The following PHF20 variants were observed in gnomAD, a reference collection of about 807,000 sequenced individuals.
The protein encoded by PHF20 is PHD finger protein 20.
A neutral mutation model predicts 113.5 loss-of-function variants in PHF20; 23 were observed. The observed-to-expected ratio is 0.20, with a 90% CI of 0.15 to 0.29. The LOEUF is 0.29. PHF20 is among the 10% of genes least tolerant of loss of function. PHF20 has a pLI of 1.00. For missense variants in PHF20, 943 were observed against 1,219.6 expected (o/e 0.77, Z 3.38); for synonymous variants, 434 against 457.3 (o/e 0.95, Z 0.65).
intron 2 of PHF20, among the ~76,000 whole-genome samples, chr20:35,823,792 C>T (rs1267020899): frequency 2.0e-5 from 3 of 152,176 alleles, no homozygotes; most frequent in African/African-American, 7.2e-5. Context: ...TACAGTTTTG[C>T]CTTTTCCATA....
chr20:35,871,231 T>C (rs2054415878), intron 8 of PHF20, 97 bp downstream of exon 8: 3 of 1,001,228 alleles, frequency 3.0e-6, no homozygotes, highest in Non-Finnish European at 4.6e-6. Context: ...AAGTATTAAA[T>C]TGTCTTGAAA....
intron 1 of PHF20, among the ~76,000 whole-genome samples, chr20:35,772,752 T>G (rs1038778302): frequency 6.6e-6 from 1 of 152,090 alleles, no homozygotes; most frequent in African/African-American, 2.4e-5. Context: ...GCATTTCCGT[T>G]CCAATTTAGA....
chr20:35,915,944 G>A (rs2055395476), intron 12 of PHF20, among the ~76,000 whole-genome samples: 1 of 152,018 alleles, frequency 6.6e-6, no homozygotes, highest in Non-Finnish European at 1.5e-5. Flanking sequence ...AGACCAGCCT[G>A]GGCAACATGG....
chr20:35,779,952 A>G (rs2041252777), intron 1 of PHF20, among the ~76,000 whole-genome samples: 1 of 152,180 alleles, frequency 6.6e-6, no homozygotes, highest in African/African-American at 2.4e-5. Context: ...CTTAAATGTC[A>G]TTGAATCCTT....
intron 2 of PHF20, among the ~76,000 whole-genome samples, chr20:35,823,691 C>A (rs1314574733): frequency 1.3e-5 from 2 of 149,920 alleles, no homozygotes; most frequent in Non-Finnish European, 3.0e-5. Context: ...TAAAGCACTT[C>A]TGTTACCCAC....
At chr20:35,917,310 T>C in intron 12 of PHF20, 174 bp from the exon 13 acceptor site, 1 of 715,960 alleles carries the variant, frequency 1.4e-6, no homozygotes, top group Non-Finnish European at 2.6e-6. Context: ...ATGCTTCGTT[T>C]GGGCTGTTAC....
Position 35,884,300 on chromosome 20 carries a change from C to T in PHF20, c.1282+12471C>T, listed in dbSNP as rs1161224205. ...GTGCCATAGTCTTGCGTTTTTAAACCGAGATGGAGTCACAATCTGAGAAAT... is the reference window on the plus strand; with the variant it reads ...GTGCCATAGTCTTGCGTTTTTAAACTGAGATGGAGTCACAATCTGAGAAAT... On this transcript the variant is annotated intron_variant, in intron 9 of 17. Coordinates refer to ENST00000374012, the MANE Select transcript of PHF20 (RefSeq NM_016436.5). 3.3e-5 allele frequency among the ~76,000 whole-genome samples: 5 copies of T among 152,156 alleles called. No homozygotes were observed. The South Asian group carries it at 8.3e-4, about 25-fold the overall frequency.
chr20:35,935,819 G>A (rs985942690), intron 15 of PHF20, among the ~76,000 whole-genome samples: 16 of 152,238 alleles, frequency 1.1e-4, no homozygotes, highest in African/African-American at 3.9e-4. Context: ...TGGGAAAGGG[G>A]AAGGTGGCCC....
Position 35,861,901 on chromosome 20 carries a change from T to G in PHF20, c.421-1112T>G, listed in dbSNP as rs111703770. ...TTCCTGCTTCCAGTGAAAACCTATGTGCCTAGTGTGTGCTAGGTGCTGGGC... is the reference window on the plus strand; with the variant it reads ...TTCCTGCTTCCAGTGAAAACCTATGGGCCTAGTGTGTGCTAGGTGCTGGGC... On this transcript the variant is annotated intron_variant, in intron 5 of 17. Coordinates refer to ENST00000374012, the MANE Select transcript of PHF20 (RefSeq NM_016436.5). Among the ~76,000 whole-genome samples the G allele has an allele frequency of 2.9e-3, 442 of 152,332 alleles. 5 individuals are homozygous for G. Among genetic ancestry groups the G allele is most frequent in the African/African-American group, 0.011 (437 of 41,584 alleles).
chr20:35,938,574 T>C, intron 15 of PHF20, 123 bp from the exon 16 acceptor site: 1 of 882,950 alleles, frequency 1.1e-6, no homozygotes, highest in Non-Finnish European at 1.8e-6. Context: ...TAGCAAATGG[T>C]AGTGTGTGGT....
At chr20:35,852,752 C>A (rs1473364067) in intron 4 of PHF20, among the ~76,000 whole-genome samples, 2 of 151,814 alleles carry the variant, frequency 1.3e-5, no homozygotes, top group African/African-American at 2.4e-5. Context: ...GTGTGTGCCA[C>A]CACGCCTGGC....
chr20:35,943,107 G>A (rs1326078555), intron 17 of PHF20, among the ~76,000 whole-genome samples: 1 of 152,156 alleles, frequency 6.6e-6, no homozygotes, highest in Non-Finnish European at 1.5e-5. Context: ...ATAGACGTGA[G>A]CCACCGTACC....
At chr20:35,778,677 C>A (rs1446395704) in intron 1 of PHF20, among the ~76,000 whole-genome samples, 1 of 150,738 alleles carries the variant, frequency 6.6e-6, no homozygotes, top group Non-Finnish European at 1.5e-5. Context: ...GGCTTGAACC[C>A]GAGAGGCAGA....
intron 1 of PHF20, among the ~76,000 whole-genome samples, chr20:35,798,473 A>T (rs1472058921): frequency 2.0e-5 from 3 of 150,360 alleles, no homozygotes; most frequent in African/African-American, 2.4e-5. Flanking sequence ...TTTTTTTTTG[A>T]GACAGAATTT....
intron 2 of PHF20, among the ~76,000 whole-genome samples, chr20:35,837,040 G>C (rs1332749724): frequency 1.3e-5 from 2 of 151,960 alleles, no homozygotes; most frequent in Admixed American, 1.3e-4. Flanking sequence ...AGCCGAGCAT[G>C]GTGGCGTGAG....
At chr20:35,882,282 G>A (rs185655210) in intron 9 of PHF20, among the ~76,000 whole-genome samples, 3 of 152,256 alleles carry the variant, frequency 2.0e-5, no homozygotes, top group Admixed American at 2.0e-4. Flanking sequence ...ACATTCCATG[G>A]TGGTTACATG....
rs189806471 is a variant in PHF20 at position 35,818,224 on chromosome 20, G to A, written c.83+16619G>A. On this transcript the variant is annotated intron_variant, in intron 2 of 17. Transcript: ENST00000374012. ...CAGGAGGTGGAGGTTGTAGTGAGCC[G>A]AAATTGCGACACTGCACTTCAGCCT... Among the ~76,000 whole-genome samples, 257 of 152,094 alleles carry A rather than the reference G, an allele frequency of 1.7e-3. 1 individual carries two copies. Among genetic ancestry groups the A allele is most frequent in the Middle Eastern group, 6.8e-3 (2 of 294 alleles).
intron 6 of PHF20, 140 bp downstream of exon 6, chr20:35,863,540 T>G: frequency 1.1e-6 from 1 of 885,564 alleles, no homozygotes; most frequent in Non-Finnish European, 1.7e-6. Context: ...GGAAACAAGT[T>G]GTGTTCATGA....
At chr20:35,806,027 G>GTGTGGTGA (rs1427962058) in intron 2 of PHF20, among the ~76,000 whole-genome samples, 3 of 151,828 alleles carry the variant, frequency 2.0e-5, no homozygotes, top group Admixed American at 6.6e-5. Flanking sequence ...ACCACACCCA[G>GTGTGGTGA]CTAATTTTTG....
Sources: gnomAD v4.1 joint callset for allele counts (sites outside exome capture counted in the v4.1 genomes callset) on GRCh38, gnomAD v4.1.1 for gene constraint, MANE v1.5 for transcripts, NCBI Gene and HGNC (gene_info 2026-07-23, HGNC 2026-07-21) for gene names.